Variants in SLCO1B3 observed in about 807,000 individuals in gnomAD.
The protein encoded by SLCO1B3 is solute carrier organic anion transporter family member 1B3.
A neutral mutation model predicts 71.8 loss-of-function variants in SLCO1B3; 72 were observed. The ratio of observed to expected loss-of-function variants is 1.00; its 90% CI spans 0.83 to 1.22. SLCO1B3 has a LOEUF of 1.22. SLCO1B3 is among the 50% of genes most tolerant of loss of function. The pLI is 0.00. For synonymous variants in SLCO1B3, 298 were observed against 278.4 expected (o/e 1.07, Z -0.70); for missense variants, 911 against 819.7 (o/e 1.11, Z -1.36).
chr12:20,864,554 G>A (rs1277345966), intron 8 of SLCO1B3, among the ~76,000 whole-genome samples: 1 of 152,154 alleles, frequency 6.6e-6, no homozygotes, highest in Admixed American at 6.5e-5. Flanking sequence ...TGTTAGACAT[G>A]TGGCTTAGTG....
At chr12:20,863,331 T>A (rs1591768077) in intron 8 of SLCO1B3, among the ~76,000 whole-genome samples, 1 of 152,268 alleles carries the variant, frequency 6.6e-6, no homozygotes, top group East Asian at 1.9e-4. Flanking sequence ...GGGCTTGGCC[T>A]ATGGGAACAT....
rs1866504957 is a variant in SLCO1B3 at position 20,916,584 on chromosome 12, C to CT, written c.*338dup. ...TAATAGCCTAAATAAAGAGAAAAGC[C>CT]TGATGCCTTTAAAAAAAATGAAACA... On this transcript the variant is annotated 3_prime_UTR_variant, in exon 16 of 16. Coordinates refer to ENST00000381545, the MANE Select transcript of SLCO1B3 (RefSeq NM_019844.4). 1 of 151,190 alleles carries CT rather than the reference C, an allele frequency of 6.6e-6. No homozygotes were observed. The highest frequency in any genetic ancestry group is 2.5e-5 in the African/African-American group (1 of 39,592). The allele number at this position is 151,190 out of a possible 1,614,324, so 9.4% of individuals were successfully genotyped here.
chr12:20,869,228 A>G (rs947203205), intron 8 of SLCO1B3, among the ~76,000 whole-genome samples: 2 of 152,134 alleles, frequency 1.3e-5, no homozygotes, highest in Admixed American at 6.5e-5. Flanking sequence ...CCGCCTGGCA[A>G]TGGGCGTCTT....
At chr12:20,867,195 A>G (rs1865390118) in intron 8 of SLCO1B3, among the ~76,000 whole-genome samples, 1 of 152,126 alleles carries the variant, frequency 6.6e-6, no homozygotes, top group African/African-American at 2.4e-5. Flanking sequence ...GGCTCATTAT[A>G]CATGTTACCC....
intron 8 of SLCO1B3, among the ~76,000 whole-genome samples, chr12:20,866,063 T>G (rs73069243): frequency 1.8e-4 from 27 of 152,250 alleles, no homozygotes; most frequent in Non-Finnish European, 3.1e-4. Flanking sequence ...ACCCTTGTGT[T>G]TTCTGCGTAT....
chr12:20,848,980 C>G (rs571960688), intron 3 of SLCO1B3, among the ~76,000 whole-genome samples: 1 of 152,008 alleles, frequency 6.6e-6, no homozygotes. Flanking sequence ...TGTAATAATG[C>G]ATCCAAATTG....
At chr12:20,822,032 C>T (rs957830197) in intron 3 of SLCO1B3, among the ~76,000 whole-genome samples, 13 of 152,070 alleles carry the variant, frequency 8.5e-5, no homozygotes, top group South Asian at 4.1e-4. Flanking sequence ...AAAAAGAGGC[C>T]GCTTACCGGA....
At chr12:20,910,766 T>A (rs1024959523) in intron 15 of SLCO1B3, among the ~76,000 whole-genome samples, 8 of 152,196 alleles carry the variant, frequency 5.3e-5, no homozygotes, top group Admixed American at 4.6e-4. Flanking sequence ...TGTTCATTGC[T>A]GATTTATAGG....
chr12:20,915,885 A>G, intron 15 of SLCO1B3, 119 bp from the exon 16 acceptor site: 1 of 666,950 alleles, frequency 1.5e-6, no homozygotes, highest in Non-Finnish European at 2.5e-6. Flanking sequence ...TGTTCTCTTA[A>G]TATTTGTATG....
chr12:20,863,398 C>T (rs1310802185), intron 8 of SLCO1B3, among the ~76,000 whole-genome samples: 1 of 152,120 alleles, frequency 6.6e-6, no homozygotes, highest in Non-Finnish European at 1.5e-5. Context: ...ATAAAATTTA[C>T]GACTTTTGTC....
Position 20,862,397 on chromosome 12 carries a change from C to A in SLCO1B3, c.482-15C>A. On this transcript the variant is annotated splice_polypyrimidine_tract_variant and intron_variant, in intron 6 of 15. Transcript: ENST00000381545. Reference sequence around the variant, plus strand: ...AAATTAATGTTTAAAGTAAAACACTCTCTTGTCTCGATAGATTGTGTAAAG... The same window carrying A: ...AAATTAATGTTTAAAGTAAAACACTATCTTGTCTCGATAGATTGTGTAAAG... The A allele has an allele frequency of 6.3e-7, 1 of 1,596,940 alleles. No homozygotes were observed. The highest frequency in any genetic ancestry group is 2.3e-5 in the East Asian group (1 of 44,406).
Position 20,814,974 on chromosome 12 carries a change from TTCTTTTC to T in SLCO1B3, c.-65-698_-65-692del, listed in dbSNP as rs1864166283. 4.6e-4 allele frequency among the ~76,000 whole-genome samples: 23 copies of T among 50,236 alleles called. 1 individual carries two copies. The South Asian group carries it at 0.031, about 68-fold the overall frequency. 33.0% of individuals were successfully genotyped at this position (50,236 alleles called of 152,430 possible). The stretch of plus-strand genomic sequence containing the variant: ...TATAAGCAGAATCTTGCCTTTTCTT[TTCTTTTC>T]TTTTTTTTTTTTTTTGCATTTTTCA... On this transcript the variant is annotated intron_variant, in intron 2 of 15. Coordinates refer to ENST00000381545, the MANE Select transcript of SLCO1B3 (RefSeq NM_019844.4).
At position 20,810,744 on chromosome 12, in the gene SLCO1B3, G is replaced by T. The variant is rs922424491; in HGVS notation, c.-201G>T. ...GAAAAAGGATGGACTTGTTGCAGTTGCTGTAGCATTCAAAGTCAAGGTAAG... is the reference window on the plus strand; with the variant it reads ...GAAAAAGGATGGACTTGTTGCAGTTTCTGTAGCATTCAAAGTCAAGGTAAG... On this transcript the variant is annotated 5_prime_UTR_variant, in exon 1 of 16. Transcript: ENST00000381545. 6.6e-6 allele frequency: 1 copy of T among 152,148 alleles called. No homozygotes were observed. Among genetic ancestry groups the T allele is most frequent in the East Asian group, 1.9e-4 (1 of 5,198 alleles). 9.4% of individuals were successfully genotyped at this position (152,148 alleles called of 1,614,324 possible). A position where few individuals can be genotyped will look rare whatever the true frequency, so the allele number is the denominator to read the frequency against.
At chr12:20,901,807 A>G in intron 15 of SLCO1B3, 3 of 369,036 alleles carry the variant, frequency 8.1e-6, no homozygotes, top group South Asian at 6.0e-5. Context: ...TGGCTTCTCC[A>G]GGAAGACACA....
chr12:20,900,657 C>T (rs1203093805), intron 14 of SLCO1B3, among the ~76,000 whole-genome samples: 1 of 152,148 alleles, frequency 6.6e-6, no homozygotes, highest in South Asian at 2.1e-4. Flanking sequence ...AACGGAGACC[C>T]TAACCTGCAG....
At chr12:20,823,308 GA>G (rs1467429072) in intron 3 of SLCO1B3, among the ~76,000 whole-genome samples, 1 of 152,006 alleles carries the variant, frequency 6.6e-6, no homozygotes, top group Non-Finnish European at 1.5e-5. Context: ...ACAATAGGGG[GA>G]AAAGGAAAAT....
rs769005039 is a variant in SLCO1B3, at chr12:20,877,772, G to GT, written c.977dup (p.Gln327ProfsTer35). Reference sequence around the variant, plus strand: ...ATATGTTATTTTTATAACTCTATAGGTTTTTTCCAGTCTTTGAAAAGCATC... The same window carrying GT: ...ATATGTTATTTTTATAACTCTATAGGTTTTTTTCCAGTCTTTGAAAAGCATC... On this transcript the variant is annotated frameshift_variant and splice_region_variant, in exon 10 of 16. Transcript: ENST00000381545. LOFTEE classifies it high-confidence loss of function. 9 of 1,383,422 alleles carry GT rather than the reference G, an allele frequency of 6.5e-6. No individual in the cohort carries two copies. The highest frequency in any genetic ancestry group is 3.4e-5 in the South Asian group (2 of 58,536). The allele number at this position is 1,383,422 out of a possible 1,614,324, so 85.7% of individuals were successfully genotyped here.
intron 8 of SLCO1B3, among the ~76,000 whole-genome samples, chr12:20,874,523 C>T (rs933019750): frequency 1.3e-5 from 2 of 152,074 alleles, no homozygotes; most frequent in African/African-American, 4.8e-5. Context: ...GGATGCATTC[C>T]TGTTACTTAA....
At chr12:20,902,348 A>G (rs1866146964) in intron 15 of SLCO1B3, 2 of 152,614 alleles carry the variant, frequency 1.3e-5, no homozygotes, top group South Asian at 4.1e-4. Context: ...TTGACCCACT[A>G]AAAATAGCCA....
Sources: gnomAD v4.1 joint callset for allele counts (sites outside exome capture counted in the v4.1 genomes callset) on GRCh38, gnomAD v4.1.1 for gene constraint, MANE v1.5 for transcripts, NCBI Gene and HGNC (gene_info 2026-07-23, HGNC 2026-07-21) for gene names.